Variants in EHD3 observed in about 807,000 individuals in gnomAD.
EHD3 encodes the protein EH domain containing 3.
EHD3 carries 17 observed loss-of-function variants against 43.0 expected under a neutral mutation model. The observed-to-expected ratio is 0.40, with a 90% CI of 0.27 to 0.59. EHD3 has a LOEUF of 0.59. EHD3 is among the 20% of genes least tolerant of loss of function. The pLI is 0.49. For synonymous variants in EHD3, 313 were observed against 289.5 expected, an observed-to-expected ratio of 1.08 and a Z score of -0.82; for missense variants, 594 against 705.6, an observed-to-expected ratio of 0.84 and a Z score of 1.79.
chr2:31,252,562 C>T (rs913288480), intron 3 of EHD3, among the ~76,000 whole-genome samples: 15 of 152,238 alleles, frequency 9.9e-5, no homozygotes, highest in Non-Finnish European at 2.1e-4. Context: ...GCAACCTCTG[C>T]CTCCTGAGTT....
rs189691728 is a variant in EHD3, at chr2:31,260,294, A to G, written c.503-216A>G. Among the ~76,000 whole-genome samples the G allele has an allele frequency of 6.6e-6, 1 of 152,298 alleles. No homozygotes were observed. The highest frequency in any genetic ancestry group is 1.9e-4 in the East Asian group (1 of 5,190). On this transcript the variant is annotated intron_variant, in intron 3 of 5. Transcript: ENST00000322054. This position sits in a 1 kb window ranked among gnomAD's most constrained non-coding sequence, Gnocchi z 4.6. The stretch of plus-strand genomic sequence containing the variant: ...ATAGTTCTATTAACTAGGTATTCAT[A>G]TTATTTTAGTATTTAACAGTATTTT...
In EHD3 at chr2:31,269,410, A is replaced by T. The variant is rs545984523; in HGVS notation, c.*2706A>T. On this transcript the variant is annotated 3_prime_UTR_variant, in exon 6 of 6. Coordinates refer to ENST00000322054, the MANE Select transcript of EHD3 (RefSeq NM_014600.3). ...ATGTATGCAAAGTCCCACGGACAAG[A>T]GTAAAGTCTGATACCAATAAAGTGA... 1.3e-5 allele frequency: 2 copies of T among 152,360 alleles called. No individual in the cohort carries two copies. Among genetic ancestry groups the T allele is most frequent in the African/African-American group, 4.8e-5 (2 of 41,590 alleles). 9.4% of individuals were successfully genotyped at this position (152,360 alleles called of 1,614,324 possible).
At chr2:31,245,743 T>A (rs888060413) in intron 2 of EHD3, among the ~76,000 whole-genome samples, 2 of 141,972 alleles carry the variant, frequency 1.4e-5, no homozygotes, top group African/African-American at 5.3e-5. Context: ...GTGTTTTTTT[T>A]TTTTTTTTTT....
intron 1 of EHD3, among the ~76,000 whole-genome samples, chr2:31,240,098 C>T (rs756773248): frequency 3.3e-5 from 5 of 152,124 alleles, no homozygotes; most frequent in Admixed American, 1.3e-4. Flanking sequence ...CCAGGGAACA[C>T]GGAGCTGACT....
rs1683479892 is a variant in EHD3, at chr2:31,244,394, G to A, written c.348G>A (p.Val116=). Reference sequence around the variant, plus strand: ...TCATCCCTGGGAACGCCCTGGTGGTGGATCCCAAGAAACCCTTCAGGAAAC... The same window carrying A: ...TCATCCCTGGGAACGCCCTGGTGGTAGATCCCAAGAAACCCTTCAGGAAAC... ...EGIIPGNALV[V]DPKKPFRKLN... Residue 116 remains valine (V), a synonymous_variant, in exon 2 of 6, where the codon GTG becomes GTA. Coordinates refer to ENST00000322054, the MANE Select transcript of EHD3 (RefSeq NM_014600.3). 1 of 1,614,204 alleles carries A rather than the reference G, an allele frequency of 6.2e-7. No homozygotes were observed. Among genetic ancestry groups the A allele is most frequent in the Non-Finnish European group, 8.5e-7 (1 of 1,180,038 alleles).
chr2:31,257,776 GC>G (rs1234458734), intron 3 of EHD3, among the ~76,000 whole-genome samples: 1 of 152,128 alleles, frequency 6.6e-6, no homozygotes, highest in East Asian at 1.9e-4. Context: ...GGTTGATGAT[GC>G]CCCTGCCCAC....
intron 2 of EHD3, among the ~76,000 whole-genome samples, chr2:31,249,167 G>A (rs1683585749): frequency 6.6e-6 from 1 of 152,218 alleles, no homozygotes; most frequent in Non-Finnish European, 1.5e-5. Context: ...TCTTAACACT[G>A]GATGTGGGGA....
chr2:31,243,536 G>A (rs548085284), intron 1 of EHD3, among the ~76,000 whole-genome samples: 13 of 141,654 alleles, frequency 9.2e-5, no homozygotes, highest in African/African-American at 3.4e-4. Context: ...GGCTCACTGC[G>A]ACCTCTGCCT....
At position 31,260,991 on chromosome 2, in the gene EHD3, T is replaced by C; in HGVS notation, c.915+69T>C. 6.6e-7 allele frequency: 1 copy of C among 1,509,334 alleles called. No homozygotes were observed. The highest frequency in any genetic ancestry group is 8.9e-7 in the Non-Finnish European group (1 of 1,122,494). The allele number at this position is 1,509,334 out of a possible 1,614,324, so 93.5% of individuals were successfully genotyped here. On this transcript the variant is annotated intron_variant, in intron 4 of 5. Transcript: ENST00000322054. The surrounding 1 kb of genome is among the most constrained non-coding windows in gnomAD (Gnocchi z 4.6). ...AGAGTTTGGGGTCAGCTGCACGAGC[T>C]GAGGGTTGCTGCCTCCAACAGCCAG...
chr2:31,251,488 C>T (rs868573056), intron 3 of EHD3, among the ~76,000 whole-genome samples: 1 of 152,172 alleles, frequency 6.6e-6, no homozygotes, highest in Non-Finnish European at 1.5e-5. Flanking sequence ...TCCTTACCAC[C>T]TCTTGCTTTG....
chr2:31,261,679 C>T lies in EHD3; in HGVS notation c.1046C>T (p.Ser349Leu), dbSNP rs1340537437. ...CGGATCGAGCGGGAGCACCAGATCT[C>T]ACCTGGGGACTTCCCCAATCTGAAG... Reference protein sequence around the residue: ...YGRIEREHQISPGDFPNLKRM... With the variant: ...YGRIEREHQILPGDFPNLKRM... The change falls in exon 5 of 6, where the codon TCA becomes TTA. Residue 349 changes from serine to leucine, a missense_variant. This residue lies in a region of EHD3 where 322 missense variants were observed against 348.0 expected (regional missense o/e 0.93). Coordinates refer to ENST00000322054, the MANE Select transcript of EHD3 (RefSeq NM_014600.3). 1.7e-5 allele frequency: 28 copies of T among 1,614,086 alleles called. No homozygotes were observed. In the Admixed American group the frequency reaches 4.7e-4, roughly 27 times the overall value.
At chr2:31,250,019 G>C (rs1558649047) in intron 3 of EHD3, among the ~76,000 whole-genome samples, 1 of 143,056 alleles carries the variant, frequency 7.0e-6, no homozygotes, top group African/African-American at 2.6e-5. Context: ...GGCTGGCAGG[G>C]TTCTAAGCCT....
At position 31,261,937 on chromosome 2, in the gene EHD3, G is replaced by A. The variant is rs934195210; in HGVS notation, c.1080+224G>A. Among the ~76,000 whole-genome samples, 4 of 152,338 alleles carry A rather than the reference G, an allele frequency of 2.6e-5. 1 individual carries two copies. Among genetic ancestry groups the A allele is most frequent in the South Asian group, 4.1e-4 (2 of 4,828 alleles). On this transcript the variant is annotated intron_variant, in intron 5 of 5. Coordinates refer to ENST00000322054, the MANE Select transcript of EHD3 (RefSeq NM_014600.3). The stretch of plus-strand genomic sequence containing the variant: ...AAACACGGAGCCCACCGCCCCAGTG[G>A]TGCAGGTGTGTTAGATGATGCTGGG...
chr2:31,258,334 C>T (rs929653374), intron 3 of EHD3, among the ~76,000 whole-genome samples: 3 of 152,132 alleles, frequency 2.0e-5, no homozygotes, highest in Non-Finnish European at 4.4e-5. Flanking sequence ...CCCCCTACCC[C>T]CTGTGGCAGT....
chr2:31,263,712 T>C (rs1364343324), intron 5 of EHD3, among the ~76,000 whole-genome samples: 1 of 152,178 alleles, frequency 6.6e-6, no homozygotes, highest in Admixed American at 6.5e-5. Flanking sequence ...GGCTAACACT[T>C]GCCCTAGAAA....
chr2:31,243,823 A>G (rs1295855755), intron 1 of EHD3, among the ~76,000 whole-genome samples: 1 of 152,086 alleles, frequency 6.6e-6, no homozygotes, highest in Non-Finnish European at 1.5e-5. Flanking sequence ...CTATTTTTAT[A>G]TTAAAGAACT....
Position 31,267,265 on chromosome 2 carries a change from C to G in EHD3, c.*561C>G, listed in dbSNP as rs1683972332. On this transcript the variant is annotated 3_prime_UTR_variant, in exon 6 of 6. Coordinates refer to ENST00000322054, the MANE Select transcript of EHD3 (RefSeq NM_014600.3). ...CATTGGCCCAGGAGCTCTGTTCTTT[C>G]CTAATCTAAGCCTCTGTCTTCTTCG... The G allele has an allele frequency of 6.6e-6, 1 of 152,572 alleles. No individual in the cohort carries two copies. The highest frequency in any genetic ancestry group is 6.5e-5 in the Admixed American group (1 of 15,318). 9.5% of individuals were successfully genotyped at this position (152,572 alleles called of 1,614,324 possible). A position where few individuals can be genotyped will look rare whatever the true frequency, so the allele number is the denominator to read the frequency against.
intron 1 of EHD3, 71 bp downstream of exon 1, chr2:31,234,919 C>G: frequency 5.5e-6 from 8 of 1,447,110 alleles, no homozygotes; most frequent in Non-Finnish European, 6.7e-6. Flanking sequence ...ACTCCTGGTG[C>G]TCCATCCCAG....
chr2:31,266,708 G>A lies in EHD3; in HGVS notation c.*4G>A, dbSNP rs1391706737. On this transcript the variant is annotated 3_prime_UTR_variant, in exon 6 of 6. Transcript: ENST00000322054. This position sits in a 1 kb window ranked among gnomAD's most constrained non-coding sequence, Gnocchi z 5.1. ...CAAGAGGAAAGTTGCCGAGTGATGG[G>A]GTGGGGGGACATTCAGACGGGCAGT... 1.3e-6 allele frequency: 2 copies of A among 1,592,092 alleles called. No homozygotes were observed. The highest frequency in any genetic ancestry group is 8.6e-7 in the Non-Finnish European group (1 of 1,168,636).
Sources: allele counts gnomAD v4.1 joint callset (sites outside exome capture counted in the v4.1 genomes callset), GRCh38; gene constraint gnomAD v4.1.1; regional missense constraint gnomAD v4.1.1; non-coding constraint Gnocchi (gnomAD v3.1); transcripts MANE v1.5; gene names NCBI Gene and HGNC (gene_info 2026-07-23, HGNC 2026-07-21).